The following SPOCK3 variants were observed in gnomAD, a reference collection of about 807,000 sequenced individuals.
The protein encoded by SPOCK3 is SPARC (osteonectin), cwcv and kazal like domains proteoglycan 3.
SPOCK3 carries 30 observed loss-of-function variants against 56.6 expected under a neutral mutation model. That is an observed-to-expected ratio of 0.53 (90% confidence interval 0.40 to 0.72). The LOEUF (loss-of-function observed/expected upper bound fraction) is 0.72. SPOCK3 is among the 30% of genes least tolerant of loss of function. The pLI is 0.00. For synonymous variants in SPOCK3, 196 were observed against 183.3 expected (o/e 1.07, Z -0.56); for missense variants, 527 against 530.0 (o/e 0.99, Z 0.06).
At chr4:166,984,130 T>C (rs2558129) in intron 4 of SPOCK3, among the ~76,000 whole-genome samples, 143,824 of 152,040 alleles carry the variant, frequency 0.95, 68,531 homozygotes, top group East Asian at 1. Flanking sequence ...AACTCTCTCT[T>C]TACCTAGAGA....
intron 2 of SPOCK3, among the ~76,000 whole-genome samples, chr4:167,223,010 T>C (rs1391459132): frequency 8.0e-6 from 1 of 125,526 alleles, no homozygotes; most frequent in Non-Finnish European, 1.6e-5. Flanking sequence ...ATATATATTT[T>C]ATATATGAAT....
chr4:167,168,854 G>T (rs1374167597), intron 2 of SPOCK3, among the ~76,000 whole-genome samples: 1 of 152,108 alleles, frequency 6.6e-6, no homozygotes, highest in African/African-American at 2.4e-5. Flanking sequence ...AAATGGTCTT[G>T]TGGGGCAGGC....
chr4:166,831,435 T>G (rs545192513), intron 6 of SPOCK3, among the ~76,000 whole-genome samples: 18 of 152,316 alleles, frequency 1.2e-4, no homozygotes, highest in Non-Finnish European at 2.4e-4. Context: ...GGGACAGTTT[T>G]TAATTACAAA....
intron 5 of SPOCK3, among the ~76,000 whole-genome samples, chr4:166,899,248 A>G (rs1478451471): frequency 1.0e-5 from 1 of 97,284 alleles, no homozygotes; most frequent in African/African-American, 3.6e-5. Flanking sequence ...CCTCATATCT[A>G]TCTATCTATC....
At chr4:166,919,728 G>A (rs1738279193) in intron 4 of SPOCK3, among the ~76,000 whole-genome samples, 1 of 152,074 alleles carries the variant, frequency 6.6e-6, no homozygotes, top group East Asian at 1.9e-4. Context: ...TAATGGACAA[G>A]AAATCTTTAT....
intron 3 of SPOCK3, among the ~76,000 whole-genome samples, chr4:167,013,365 T>C (rs2558143): frequency 1 from 151,687 of 151,780 alleles, 75,797 homozygotes; most frequent in Non-Finnish European, 1. Context: ...CTCTTTGGTT[T>C]GCTACCATTT....
intron 3 of SPOCK3, among the ~76,000 whole-genome samples, chr4:167,060,646 GA>G (rs1262703773): frequency 1.5e-4 from 23 of 152,158 alleles, no homozygotes; most frequent in African/African-American, 5.5e-4. Flanking sequence ...TTAACATATA[GA>G]AATAAAGCTT....
rs149802574 is a variant in SPOCK3 at position 166,982,495 on chromosome 4, T to C, written c.350+17854A>G. ...TGAACTCGGGAGATGGAGCTTGCAG[T>C]GAGCCAAGATCGCACCACTGCATTC... On this transcript the variant is annotated intron_variant, in intron 4 of 10. Transcript: ENST00000357545. Among the ~76,000 whole-genome samples, 202 of 152,214 alleles carry C rather than the reference T, an allele frequency of 1.3e-3. 1 individual carries two copies. The highest frequency in any genetic ancestry group is 4.4e-3 in the African/African-American group (181 of 41,540).
At chr4:166,955,912 A>G (rs1017221011) in intron 4 of SPOCK3, among the ~76,000 whole-genome samples, 4 of 151,756 alleles carry the variant, frequency 2.6e-5, no homozygotes, top group Non-Finnish European at 5.9e-5. Context: ...TGAATCTCAC[A>G]TCATCAAATT....
chr4:166,769,662 C>T (rs933654044), intron 7 of SPOCK3, among the ~76,000 whole-genome samples: 1 of 152,148 alleles, frequency 6.6e-6, no homozygotes, highest in Non-Finnish European at 1.5e-5. Context: ...GGCAGTCTGT[C>T]CGTTCTCAGA....
At chr4:166,912,326 A>G (rs568271080) in intron 5 of SPOCK3, among the ~76,000 whole-genome samples, 15 of 152,312 alleles carry the variant, frequency 9.8e-5, no homozygotes, top group Middle Eastern at 3.4e-3. Flanking sequence ...AATATTGATC[A>G]CTAAAGCTAT....
At chr4:167,098,903 T>G (rs950286371) in intron 2 of SPOCK3, among the ~76,000 whole-genome samples, 1 of 152,034 alleles carries the variant, frequency 6.6e-6, no homozygotes, top group Admixed American at 6.6e-5. Context: ...CTGTAACATT[T>G]TATCTATCAC....
chr4:167,063,343 A>G (rs972291158), intron 2 of SPOCK3, among the ~76,000 whole-genome samples: 1 of 151,850 alleles, frequency 6.6e-6, no homozygotes, highest in African/African-American at 2.4e-5. Flanking sequence ...ATCATATTTT[A>G]TTATAAATTA....
chr4:167,232,955 C>G (rs1737330617), intron 2 of SPOCK3, among the ~76,000 whole-genome samples: 1 of 152,124 alleles, frequency 6.6e-6, no homozygotes, highest in Admixed American at 6.5e-5. Context: ...CTCATCTCCA[C>G]GTAGTGCACT....
chr4:167,218,154 T>A lies in SPOCK3; in HGVS notation c.189+15831A>T, dbSNP rs535768070. Among the ~76,000 whole-genome samples the A allele has an allele frequency of 2.0e-5, 3 of 152,238 alleles. No individual in the cohort carries two copies. In the South Asian group the frequency reaches 6.2e-4, roughly 32 times the overall value. On this transcript the variant is annotated intron_variant, in intron 2 of 10. Coordinates refer to ENST00000357545, the MANE Select transcript of SPOCK3 (RefSeq NM_001040159.2). ...GTTTCTAACATGGCACATTTCTGAA[T>A]AGCACTTAAAAGCTATTCAGGGGCA...
chr4:166,898,298 G>A (rs1427778778), intron 5 of SPOCK3, among the ~76,000 whole-genome samples: 2 of 152,152 alleles, frequency 1.3e-5, no homozygotes, highest in African/African-American at 4.8e-5. Context: ...CCTCTGGGCA[G>A]GGGGAGGAAG....
Position 166,889,062 on chromosome 4 carries a change from C to A in SPOCK3, c.589+68G>T, listed in dbSNP as rs1396409319. On this transcript the variant is annotated intron_variant, in intron 6 of 10. Coordinates refer to ENST00000357545, the MANE Select transcript of SPOCK3 (RefSeq NM_001040159.2). The stretch of plus-strand genomic sequence containing the variant: ...AACTTCATTGTGTATTTAATGACAA[C>A]ATCTATTGCAAAACATTTTAGTAGA... 3.2e-6 allele frequency: 3 copies of A among 923,896 alleles called. No homozygotes were observed. The African/African-American group carries it at 5.0e-5, about 15-fold the overall frequency. 57.2% of individuals were successfully genotyped at this position (923,896 alleles called of 1,614,324 possible). A position where few individuals can be genotyped will look rare whatever the true frequency, so the allele number is the denominator to read the frequency against.
chr4:166,955,583 T>A (rs890359545), intron 4 of SPOCK3, among the ~76,000 whole-genome samples: 6 of 145,160 alleles, frequency 4.1e-5, no homozygotes, highest in Admixed American at 7.0e-5. Flanking sequence ...ATAATTAAAT[T>A]ATATTAAATT....
chr4:167,005,884 GACT>G (rs1221231535), intron 3 of SPOCK3, among the ~76,000 whole-genome samples: 1 of 152,020 alleles, frequency 6.6e-6, no homozygotes, highest in Non-Finnish European at 1.5e-5. Flanking sequence ...GCTTCAAAAG[GACT>G]ACTATTTTTA....
Sources: gnomAD v4.1 joint callset for allele counts (sites outside exome capture counted in the v4.1 genomes callset) on GRCh38, gnomAD v4.1.1 for gene constraint, MANE v1.5 for transcripts, NCBI Gene and HGNC (gene_info 2026-07-23, HGNC 2026-07-21) for gene names.